CSMD1: variants seen among roughly 807,000 people sequenced by gnomAD.
CSMD1 encodes CUB and sushi domain-containing protein 1.
A neutral mutation model predicts 417.5 loss-of-function variants in CSMD1; 213 were observed. The observed-to-expected ratio is 0.51, with a 90% CI of 0.46 to 0.57. CSMD1 has a LOEUF of 0.57. CSMD1 is among the 20% of genes least tolerant of loss of function. The pLI is 0.00. For missense variants in CSMD1, 6,923 were observed against 4,529.7 expected, an observed-to-expected ratio of 1.53 and a Z score of -15.17; for synonymous variants, 2,862 against 1,736.8, an observed-to-expected ratio of 1.65 and a Z score of -16.11.
chr8:4,787,162 C>T lies in CSMD1; in HGVS notation c.86-149604G>A, dbSNP rs1003012020. Among the ~76,000 whole-genome samples, 4 of 152,200 alleles carry T rather than the reference C, an allele frequency of 2.6e-5. No individual in the cohort carries two copies. The South Asian group carries it at 6.2e-4, about 24-fold the overall frequency. On this transcript the variant is annotated intron_variant, in intron 1 of 69. Coordinates refer to ENST00000635120, the MANE Select transcript of CSMD1 (RefSeq NM_033225.6). ...CCGCCTATACCCCTCCGGGTTCGGC[C>T]GCTGTAGCGGAGCTCGGAAAGAGTG...
intron 5 of CSMD1, among the ~76,000 whole-genome samples, chr8:3,801,404 A>T (rs1033984841): frequency 1.3e-5 from 2 of 152,164 alleles, no homozygotes; most frequent in Non-Finnish European, 2.9e-5. Context: ...TTAAAACCAC[A>T]GTGAGAAAAG....
intron 1 of CSMD1, among the ~76,000 whole-genome samples, chr8:4,731,790 T>C (rs1479232170): frequency 6.6e-6 from 1 of 152,168 alleles, no homozygotes; most frequent in Non-Finnish European, 1.5e-5. Flanking sequence ...ACCTACTCTA[T>C]TTATTTAGGG....
At chr8:3,267,508 C>T (rs771993399) in intron 26 of CSMD1, among the ~76,000 whole-genome samples, 18 of 152,246 alleles carry the variant, frequency 1.2e-4, no homozygotes, top group Non-Finnish European at 2.4e-4. Flanking sequence ...AGGAGCTCTC[C>T]GGAGTCCAGA....
intron 3 of CSMD1, among the ~76,000 whole-genome samples, chr8:4,154,816 G>A (rs545757097): frequency 6.6e-6 from 1 of 152,158 alleles, no homozygotes; most frequent in South Asian, 2.1e-4. Flanking sequence ...GTTGGAAAGA[G>A]AGGCACGATT....
intron 3 of CSMD1, among the ~76,000 whole-genome samples, chr8:4,176,590 G>A (rs952361630): frequency 4.2e-5 from 6 of 142,228 alleles, no homozygotes; most frequent in African/African-American, 1.6e-4. Flanking sequence ...TAGTAGAAGG[G>A]ACATAGGAGT....
chr8:4,592,650 G>C (rs914811572), intron 2 of CSMD1, among the ~76,000 whole-genome samples: 1 of 152,140 alleles, frequency 6.6e-6, no homozygotes, highest in Admixed American at 6.5e-5. Context: ...GCCTCCCAAA[G>C]TGCTAGGATT....
intron 1 of CSMD1, among the ~76,000 whole-genome samples, chr8:4,733,689 T>G (rs1358010707): frequency 6.6e-6 from 1 of 152,212 alleles, no homozygotes; most frequent in African/African-American, 2.4e-5. Flanking sequence ...CTACCTATTT[T>G]TCCTTTCTCC....
At chr8:4,611,030 T>A (rs891962179) in intron 2 of CSMD1, among the ~76,000 whole-genome samples, 1 of 152,054 alleles carries the variant, frequency 6.6e-6, no homozygotes, top group Non-Finnish European at 1.5e-5. Flanking sequence ...TAACTACCAT[T>A]TTTTTTTCTT....
At chr8:4,138,791 G>A (rs1371873916) in intron 3 of CSMD1, among the ~76,000 whole-genome samples, 1 of 152,084 alleles carries the variant, frequency 6.6e-6, no homozygotes, top group Admixed American at 6.5e-5. Context: ...TATGAACAGT[G>A]GCTTTCATTT....
intron 10 of CSMD1, among the ~76,000 whole-genome samples, chr8:3,497,311 A>G (rs1239089784): frequency 3.3e-5 from 5 of 152,174 alleles, no homozygotes; most frequent in African/African-American, 1.2e-4. Flanking sequence ...TGCTTTATAT[A>G]TCTGGGGTCT....
At chr8:3,737,107 G>C (rs192276510) in intron 6 of CSMD1, among the ~76,000 whole-genome samples, 5 of 152,180 alleles carry the variant, frequency 3.3e-5, no homozygotes, top group African/African-American at 1.2e-4. Context: ...AACTACAATA[G>C]TCCCATATTA....
chr8:4,131,983 C>G (rs943384730), intron 3 of CSMD1, among the ~76,000 whole-genome samples: 21 of 151,918 alleles, frequency 1.4e-4, no homozygotes, highest in Non-Finnish European at 2.1e-4. Flanking sequence ...CCAGGATGGT[C>G]TCGATCTCCT....
In CSMD1 at chr8:4,702,356, C is replaced by T. The variant is rs895197605; in HGVS notation, c.86-64798G>A. Among the ~76,000 whole-genome samples, 7 of 152,164 alleles carry T rather than the reference C, an allele frequency of 4.6e-5. No individual in the cohort carries two copies. In the East Asian group the frequency reaches 7.7e-4, roughly 17 times the overall value. The stretch of plus-strand genomic sequence containing the variant: ...TAGGAATCTTTGCTAAACTGACCCT[C>T]CTGCTCTCCGAAGTAGCAATTCCAA... On this transcript the variant is annotated intron_variant, in intron 1 of 69. Transcript: ENST00000635120.
chr8:4,398,685 A>C (rs1242096144), intron 3 of CSMD1, among the ~76,000 whole-genome samples: 1 of 152,064 alleles, frequency 6.6e-6, no homozygotes, highest in Non-Finnish European at 1.5e-5. Context: ...ATGAGCCATC[A>C]CACCCGGCCA....
At chr8:3,405,896 G>T (rs1324913365) in intron 15 of CSMD1, 131 bp downstream of exon 15, 3 of 795,018 alleles carry the variant, frequency 3.8e-6, no homozygotes, top group African/African-American at 3.5e-5. Context: ...ACTCCTGTTG[G>T]TTAAGTGACT....
At chr8:4,310,804 G>A (rs534894392) in intron 3 of CSMD1, among the ~76,000 whole-genome samples, 1 of 152,146 alleles carries the variant, frequency 6.6e-6, no homozygotes, top group Non-Finnish European at 1.5e-5. Context: ...ATTCACATTA[G>A]ATCTCACCTT....
chr8:4,153,922 G>A (rs549168410), intron 3 of CSMD1, among the ~76,000 whole-genome samples: 2 of 152,282 alleles, frequency 1.3e-5, no homozygotes, highest in Non-Finnish European at 2.9e-5. Context: ...CAGCCAACGA[G>A]GCACTGTGGA....
chr8:4,925,621 A>C lies in CSMD1; in HGVS notation c.85+68711T>G, dbSNP rs562857721. 4.2e-3 allele frequency among the ~76,000 whole-genome samples: 620 copies of C among 149,128 alleles called. 2 individuals are homozygous for C. The highest frequency in any genetic ancestry group is 6.5e-3 in the Admixed American group (96 of 14,856). ...GAGTGCAGTGGTGCAGTCTCGGCTC[A>C]CTGCAAGCTCTGCCTCCCGGGTTCA... On this transcript the variant is annotated intron_variant, in intron 1 of 69. Coordinates refer to ENST00000635120, the MANE Select transcript of CSMD1 (RefSeq NM_033225.6).
At chr8:4,133,228 G>T (rs1410907615) in intron 3 of CSMD1, among the ~76,000 whole-genome samples, 1 of 152,028 alleles carries the variant, frequency 6.6e-6, no homozygotes, top group Non-Finnish European at 1.5e-5. Context: ...GAGTCACCAT[G>T]CCCAGCTGGT....
Sources: gnomAD v4.1 joint callset for allele counts (sites outside exome capture counted in the v4.1 genomes callset) on GRCh38, gnomAD v4.1.1 for gene constraint, MANE v1.5 for transcripts, NCBI Gene and HGNC (gene_info 2026-07-23, HGNC 2026-07-21) for gene names.